The following RASSF3 variants were observed in gnomAD, a reference collection of about 807,000 sequenced individuals.
RASSF3 encodes Ras association domain family member 3.
RASSF3 carries 19 observed loss-of-function variants against 19.9 expected under a neutral mutation model. That is an observed-to-expected ratio of 0.96 (90% CI 0.67 to 1.40). The LOEUF (loss-of-function observed/expected upper bound fraction) is 1.40. Among genes scored for constraint, RASSF3 ranks in the 40% most tolerant of loss-of-function variants. The probability of loss-of-function intolerance (pLI) is 0.00; values close to 1 mark genes in which losing one functional copy is unlikely to be tolerated. For missense variants in RASSF3, 306 were observed against 289.8 expected (o/e 1.06, Z -0.41); for synonymous variants, 110 against 104.2 (o/e 1.06, Z -0.34).
chr12:64,509,086 C>T (rs1032160501), intron 1 of RASSF3, among the ~76,000 whole-genome samples: 2 of 151,906 alleles, frequency 1.3e-5, no homozygotes, highest in African/African-American at 4.8e-5. Flanking sequence ...TATGGATTAA[C>T]ATAATTTGGG....
At chr12:64,639,720 A>G (rs550838583) in intron 1 of RASSF3, among the ~76,000 whole-genome samples, 1 of 152,268 alleles carries the variant, frequency 6.6e-6, no homozygotes, top group Non-Finnish European at 1.5e-5. Context: ...GGCTGATAAT[A>G]TTGGTTCCTT....
intron 1 of RASSF3, among the ~76,000 whole-genome samples, chr12:64,521,245 G>C (rs957480676): frequency 1.3e-5 from 2 of 152,174 alleles, no homozygotes; most frequent in Non-Finnish European, 2.9e-5. Context: ...CCCTGTAGCA[G>C]GTGTGCTCCT....
chr12:64,639,265 G>A, intron 1 of RASSF3, among the ~76,000 whole-genome samples: 1 of 152,054 alleles, frequency 6.6e-6, no homozygotes, highest in Admixed American at 6.5e-5. Flanking sequence ...CTTATGTAAA[G>A]TTCCATCTAA....
chr12:64,631,874 C>T (rs2136173780), intron 1 of RASSF3, among the ~76,000 whole-genome samples: 1 of 152,202 alleles, frequency 6.6e-6, no homozygotes, highest in South Asian at 2.1e-4. Context: ...CATACCCGGC[C>T]TGTTTTTTAT....
intron 2 of RASSF3, among the ~76,000 whole-genome samples, chr12:64,685,935 TTACTGTG>T (rs1224201893): frequency 6.6e-6 from 1 of 152,212 alleles, no homozygotes; most frequent in Non-Finnish European, 1.5e-5. Flanking sequence ...CTCAGTCTGT[TTACTGTG>T]AACTGACAGA....
chr12:64,518,435 A>G (rs1028660971), intron 1 of RASSF3, among the ~76,000 whole-genome samples: 1 of 152,226 alleles, frequency 6.6e-6, no homozygotes, highest in Non-Finnish European at 1.5e-5. Context: ...AGTGTATCAC[A>G]CGGCAAGAGG....
At chr12:64,664,248 T>G (rs893491236) in intron 1 of RASSF3, among the ~76,000 whole-genome samples, 2 of 152,174 alleles carry the variant, frequency 1.3e-5, no homozygotes, top group Admixed American at 6.5e-5. Context: ...AATGCCCATC[T>G]CAGTACCAAA....
intron 2 of RASSF3, among the ~76,000 whole-genome samples, chr12:64,586,117 G>A (rs1869794379): frequency 2.0e-5 from 3 of 152,152 alleles, no homozygotes; most frequent in South Asian, 4.2e-4. Flanking sequence ...CTGAAGTCAG[G>A]AGTTTGAGAC....
At chr12:64,693,342 GA>G (rs1466637947) in intron 4 of RASSF3, among the ~76,000 whole-genome samples, 1 of 151,712 alleles carries the variant, frequency 6.6e-6, no homozygotes, top group East Asian at 1.9e-4. Flanking sequence ...GATGTGTTTG[GA>G]AAAAACCTCG....
At position 64,640,013 on chromosome 12, in the gene RASSF3, T is replaced by C. The variant is rs1161614139; in HGVS notation, c.111+29270T>C. Among the ~76,000 whole-genome samples the C allele has an allele frequency of 4.6e-5, 7 of 152,248 alleles. No homozygotes were observed. In the East Asian group the frequency reaches 1.3e-3, roughly 29 times the overall value. On this transcript the variant is annotated intron_variant, in intron 1 of 4. Coordinates refer to ENST00000542104, the MANE Select transcript of RASSF3 (RefSeq NM_178169.4). ...TGCATTTATGCAGATTTAATGTAGG[T>C]AGATAACTGACCTGTTTAATTCATG...
intron 1 of RASSF3, among the ~76,000 whole-genome samples, chr12:64,616,424 A>G (rs1409150607): frequency 6.6e-6 from 1 of 152,206 alleles, no homozygotes; most frequent in East Asian, 1.9e-4. Context: ...AGTCTGACCA[A>G]ATACTTTCTA....
chr12:64,547,306 G>T (rs1321900222), intron 2 of RASSF3, among the ~76,000 whole-genome samples: 1 of 148,872 alleles, frequency 6.7e-6, no homozygotes, highest in African/African-American at 2.5e-5. Flanking sequence ...GGTGACTCAC[G>T]CCTGTAATCC....
chr12:64,632,068 T>C (rs906669473), intron 1 of RASSF3, among the ~76,000 whole-genome samples: 4 of 152,066 alleles, frequency 2.6e-5, no homozygotes, highest in African/African-American at 7.2e-5. Context: ...TAGAAATGTG[T>C]ATATAATACA....
chr12:64,529,771 A>G (rs1408383156), upstream of RASSF3, among the ~76,000 whole-genome samples: 7 of 152,216 alleles, frequency 4.6e-5, no homozygotes, highest in Admixed American at 2.0e-4. Flanking sequence ...CATCAATAAA[A>G]TAGGCAATAT....
At chr12:64,584,644 G>A (rs1223813222) in intron 2 of RASSF3, among the ~76,000 whole-genome samples, 2 of 151,660 alleles carry the variant, frequency 1.3e-5, no homozygotes, top group Non-Finnish European at 1.5e-5. Context: ...GGAAATGCAC[G>A]CAAACAAATA....
chr12:64,577,461 T>C (rs956021058), intron 2 of RASSF3, among the ~76,000 whole-genome samples: 2 of 152,240 alleles, frequency 1.3e-5, no homozygotes, highest in African/African-American at 4.8e-5. Flanking sequence ...TTGGGTTTGG[T>C]GGCTCATGCC....
At chr12:64,538,879 C>T (rs1168391634) in intron 1 of RASSF3, among the ~76,000 whole-genome samples, 4 of 151,924 alleles carry the variant, frequency 2.6e-5, no homozygotes, top group African/African-American at 9.7e-5. Flanking sequence ...TCCATCTCTA[C>T]TAAAAAATAC....
intron 1 of RASSF3, among the ~76,000 whole-genome samples, chr12:64,514,188 C>CTTTTTTT (rs138925359): frequency 1.2e-4 from 9 of 78,008 alleles, no homozygotes; most frequent in Admixed American, 1.6e-4. Flanking sequence ...CGCTCAGCCT[C>CTTTTTTT]TTTTTTTTTT....
At chr12:64,684,092 T>A (rs1303505756) in intron 1 of RASSF3, among the ~76,000 whole-genome samples, 2 of 150,020 alleles carry the variant, frequency 1.3e-5, no homozygotes, top group African/African-American at 4.9e-5. Context: ...GTAATTTTTT[T>A]TTTTTTTTTT....
Sources: gnomAD v4.1 joint callset for allele counts (sites outside exome capture counted in the v4.1 genomes callset) on GRCh38, gnomAD v4.1.1 for gene constraint, MANE v1.5 for transcripts, NCBI Gene and HGNC (gene_info 2026-07-23, HGNC 2026-07-21) for gene names.